HTR3A: variants seen among roughly 807,000 people sequenced by gnomAD.
HTR3A encodes the protein 5-hydroxytryptamine (serotonin) receptor 3A, ionotropic.
Under a neutral mutation model 54.8 loss-of-function variants are expected in HTR3A, and 45 were observed. The ratio of observed to expected loss-of-function variants is 0.82; its 90% confidence interval spans 0.65 to 1.05. HTR3A has a LOEUF of 1.05. Among genes scored for constraint, HTR3A ranks in the 50% least tolerant of loss-of-function variants. The pLI, the probability that HTR3A is intolerant of heterozygous loss-of-function variation, is 0.00. For missense variants in HTR3A, 657 were observed against 614.0 expected, an observed-to-expected ratio of 1.07 and a Z score of -0.74; for synonymous variants, 297 against 256.0, an observed-to-expected ratio of 1.16 and a Z score of -1.53.
chr11:113,989,441 G>A lies in HTR3A; in HGVS notation c.1139-24G>A, dbSNP rs748764822. ...TCACCACCCGGGGTCTCCCTCTCTT[G>A]CCAATGCCCTGCCCTTCTTCCAGCC... On this transcript the variant is annotated intron_variant, in intron 8 of 8. Transcript: ENST00000504030. The surrounding 1 kb of genome is among the most constrained non-coding windows in gnomAD (Gnocchi z 4.4). 3 of 1,613,456 alleles carry A rather than the reference G, an allele frequency of 1.9e-6. No individual in the cohort carries two copies. Among genetic ancestry groups the A allele is most frequent in the Admixed American group, 1.7e-5 (1 of 60,014 alleles).
chr11:113,976,365 A>G (rs1950351241), intron 1 of HTR3A, among the ~76,000 whole-genome samples: 1 of 152,014 alleles, frequency 6.6e-6, no homozygotes, highest in Non-Finnish European at 1.5e-5. Context: ...GATCCCAGTC[A>G]ATAGGACCCA....
At chr11:113,982,647 A>ATTATTTTCATTTCAAAGGACT (rs1950435486) in intron 4 of HTR3A, among the ~76,000 whole-genome samples, 1 of 152,180 alleles carries the variant, frequency 6.6e-6, no homozygotes, top group Non-Finnish European at 1.5e-5. Flanking sequence ...TCCAGAGATG[A>ATTATTTTCATTTCAAAGGACT]TTATTTTCAT....
intron 5 of HTR3A, 123 bp from the exon 6 acceptor site, chr11:113,985,892 G>A (rs1168693595): frequency 4.4e-5 from 43 of 975,642 alleles, no homozygotes; most frequent in Non-Finnish European, 6.3e-5. Flanking sequence ...ATGTGCTGAG[G>A]TTGAGGTTGG....
At chr11:113,975,497 G>C (rs1950341677) in intron 1 of HTR3A, 105 bp downstream of exon 1, 2 of 926,854 alleles carry the variant, frequency 2.2e-6, no homozygotes, top group East Asian at 2.5e-5. Context: ...GTGGGGAACA[G>C]TGCAGCTGCA....
At position 113,989,947 on chromosome 11, in the gene HTR3A, C is replaced by T; in HGVS notation, c.*184C>T. On this transcript the variant is annotated 3_prime_UTR_variant, in exon 9 of 9. Transcript: ENST00000504030. This position sits in a 1 kb window ranked among gnomAD's most constrained non-coding sequence, Gnocchi z 4.4. ...ACAAGCCAAGGTCTGAACCCTTCCA[C>T]CAAAAACTGGGTGTTCAAGGCCCTT... 1.3e-6 allele frequency: 1 copy of T among 763,790 alleles called. No individual in the cohort carries two copies. The highest frequency in any genetic ancestry group is 2.3e-6 in the Non-Finnish European group (1 of 443,982). The allele number at this position is 763,790 out of a possible 1,614,324, so 47.3% of individuals were successfully genotyped here.
chr11:113,985,779 C>T (rs1305562349), intron 5 of HTR3A, among the ~76,000 whole-genome samples: 1 of 151,978 alleles, frequency 6.6e-6, no homozygotes, highest in African/African-American at 2.4e-5. Context: ...GTTCTTTGCA[C>T]CGTGCATTTT....
At chr11:113,983,976 C>T (rs1950457081) in intron 5 of HTR3A, among the ~76,000 whole-genome samples, 1 of 152,222 alleles carries the variant, frequency 6.6e-6, no homozygotes, top group African/African-American at 2.4e-5. Flanking sequence ...CCAGCTGCTC[C>T]AGGCTCATCT....
intron 8 of HTR3A, among the ~76,000 whole-genome samples, chr11:113,987,688 G>A (rs564595337): frequency 5.3e-5 from 8 of 152,050 alleles, no homozygotes; most frequent in Non-Finnish European, 1.0e-4. Context: ...AGCTGTGTTC[G>A]CATCACTGCA....
intron 5 of HTR3A, 128 bp downstream of exon 5, chr11:113,983,417 T>C: frequency 1.1e-6 from 1 of 936,140 alleles, no homozygotes; most frequent in South Asian, 1.3e-5. Context: ...CTCTGCTTCC[T>C]CATCCTCTGC....
rs1950366642 is a variant in HTR3A, at chr11:113,977,627, G to A, written c.68-144G>A. 6.0e-6 allele frequency: 9 copies of A among 1,496,474 alleles called. No homozygotes were observed. In the East Asian group the frequency reaches 2.2e-4, roughly 37 times the overall value. 92.7% of individuals were successfully genotyped at this position (1,496,474 alleles called of 1,614,324 possible). A position where few individuals can be genotyped will look rare whatever the true frequency, so the allele number is the denominator to read the frequency against. On this transcript the variant is annotated intron_variant, in intron 1 of 8. Coordinates refer to ENST00000504030, the MANE Select transcript of HTR3A (RefSeq NM_000869.6). ...ATCTCTGCAGACAAAATGCTCTAGT[G>A]GTGAGAATGTCAGTCTGTGTTTAGA...
In HTR3A at chr11:113,983,151, T is replaced by C. The variant is rs1328951668; in HGVS notation, c.406T>C (p.Tyr136His). ...VDVGKSPNIP[Y>H]VYIRHQGEVQ... ...TGTGGGGAAGTCTCCAAATATCCCG[T>C]ACGTGTATATTCGGCATCAAGGCGA... Residue 136 changes from tyrosine (Y) to histidine (H), a missense_variant, in exon 5 of 9, where the codon TAC (tyrosine) becomes CAC (histidine). Transcript: ENST00000504030. 1 of 1,614,208 alleles carries C rather than the reference T, an allele frequency of 6.2e-7. No individual in the cohort carries two copies. Among genetic ancestry groups the C allele is most frequent in the Non-Finnish European group, 8.5e-7 (1 of 1,180,036 alleles).
Position 113,981,260 on chromosome 11 carries a change from T to C in HTR3A, c.322T>C (p.Leu108=). 6.2e-7 allele frequency: 1 copy of C among 1,614,012 alleles called. No homozygotes were observed. The highest frequency in any genetic ancestry group is 8.5e-7 in the Non-Finnish European group (1 of 1,179,852). The change falls in exon 4 of 9, where the codon TTG becomes CTG. Residue 108 remains leucine (L), a synonymous_variant. Coordinates refer to ENST00000504030, the MANE Select transcript of HTR3A (RefSeq NM_000869.6). ...NPEDFDNITK[L]SIPTDSIWVP... ...TGAGGACTTTGACAACATCACCAAG[T>C]TGTCCATCCCCACGGACAGCATCTG...
intron 3 of HTR3A, among the ~76,000 whole-genome samples, chr11:113,979,801 G>A (rs1216715193): frequency 6.6e-6 from 1 of 152,144 alleles, no homozygotes; most frequent in East Asian, 1.9e-4. Flanking sequence ...GGTGGGGTAG[G>A]AAAAGAGTGG....
Position 113,975,202 on chromosome 11 carries a change from T to C in HTR3A, c.-124T>C, listed in dbSNP as rs1164210109. ...AGTGTGAGGCTGCAGCCTCAGAAGGTGTGAGCAGTGGCCACGAGAGGCAGG... is the reference window on the plus strand; with the variant it reads ...AGTGTGAGGCTGCAGCCTCAGAAGGCGTGAGCAGTGGCCACGAGAGGCAGG... On this transcript the variant is annotated 5_prime_UTR_variant, in exon 1 of 9. Transcript: ENST00000504030. The C allele has an allele frequency of 1.1e-6, 1 of 870,560 alleles. No individual in the cohort carries two copies. The allele number at this position is 870,560 out of a possible 1,614,324, so 53.9% of individuals were successfully genotyped here. A position where few individuals can be genotyped will look rare whatever the true frequency, so the allele number is the denominator to read the frequency against.
chr11:113,988,244 G>A (rs1387905864), intron 8 of HTR3A, among the ~76,000 whole-genome samples: 1 of 152,238 alleles, frequency 6.6e-6, no homozygotes, highest in Non-Finnish European at 1.5e-5. Flanking sequence ...GGTGAAGGAA[G>A]CCACTTCTGT....
chr11:113,977,401 C>G, intron 1 of HTR3A: 7 of 672,306 alleles, frequency 1.0e-5, no homozygotes, highest in South Asian at 9.5e-5. Flanking sequence ...AGTATCATAC[C>G]CTGAGAGCCA....
chr11:113,977,470 C>T (rs1950364655), intron 1 of HTR3A: 15 of 1,514,418 alleles, frequency 9.9e-6, no homozygotes, highest in Admixed American at 2.0e-5. Flanking sequence ...CTGCTCCGAC[C>T]TTCTTAGCCC....
chr11:113,988,939 C>G (rs1221871109), intron 8 of HTR3A, among the ~76,000 whole-genome samples: 1 of 152,132 alleles, frequency 6.6e-6, no homozygotes, highest in East Asian at 1.9e-4. Context: ...TATTAATGAT[C>G]TGGAAGAGGG....
intron 4 of HTR3A, among the ~76,000 whole-genome samples, chr11:113,981,643 C>G (rs796570391): frequency 6.6e-5 from 10 of 152,148 alleles, no homozygotes; most frequent in African/African-American, 2.2e-4. Flanking sequence ...ATAAAGGAGA[C>G]AGTAAATGTT....
Sources: allele counts gnomAD v4.1 joint callset (sites outside exome capture counted in the v4.1 genomes callset), GRCh38; gene constraint gnomAD v4.1.1; non-coding constraint Gnocchi (gnomAD v3.1); transcripts MANE v1.5; gene names NCBI Gene and HGNC (gene_info 2026-07-23, HGNC 2026-07-21).